PUM1: variants seen among roughly 807,000 people sequenced by gnomAD.
The protein encoded by PUM1 is pumilio RNA binding family member 1.
PUM1 carries 13 observed loss-of-function variants against 131.8 expected under a neutral mutation model. The observed-to-expected ratio is 0.10, with a 90% CI of 0.06 to 0.16. The LOEUF is 0.16. Among genes scored for constraint, PUM1 ranks in the 10% least tolerant of loss-of-function variants. PUM1 has a pLI of 1.00. For synonymous variants in PUM1, 509 were observed against 556.5 expected (o/e 0.91, Z 1.20); for missense variants, 961 against 1,512.4 (o/e 0.64, Z 6.05).
At chr1:31,029,537 A>G (rs1230621573) in intron 2 of PUM1, among the ~76,000 whole-genome samples, 1 of 152,204 alleles carries the variant, frequency 6.6e-6, no homozygotes, top group African/African-American at 2.4e-5. Flanking sequence ...CCATTCCTAC[A>G]AGGTAATAAC....
At chr1:31,051,385 A>C (rs1314021516) in intron 2 of PUM1, among the ~76,000 whole-genome samples, 1 of 151,562 alleles carries the variant, frequency 6.6e-6, no homozygotes, top group Admixed American at 6.6e-5. Context: ...CTCACCGCAA[A>C]CTCTGCCTCC....
rs1403722655 is a variant in PUM1 at position 30,981,370 on chromosome 1, C to A, written c.1194G>T (p.Gln398His). ...ACTGCTGCTGCTGAGCAGCTGTCAA[C>A]TGCTGGACAGCAAGCGCATTAGGTC... ...FQRPNALAVQ[Q>H]LTAAQQQQYA... The change falls in exon 8 of 22, where the codon CAG becomes CAT. Residue 398 changes from glutamine to histidine, a missense_variant. Physicochemically the swap from Gln to His is conservative, Grantham distance 24. Coordinates refer to ENST00000426105, the MANE Select transcript of PUM1 (RefSeq NM_001020658.2). 1 of 1,605,388 alleles carries A rather than the reference C, an allele frequency of 6.2e-7. No individual in the cohort carries two copies. The highest frequency in any genetic ancestry group is 8.5e-7 in the Non-Finnish European group (1 of 1,175,170).
chr1:30,976,398 T>A (rs1000769719), intron 9 of PUM1, among the ~76,000 whole-genome samples: 1 of 152,222 alleles, frequency 6.6e-6, no homozygotes, highest in Non-Finnish European at 1.5e-5. Context: ...CCAACTTGAT[T>A]CATTAACAGT....
intron 2 of PUM1, among the ~76,000 whole-genome samples, chr1:31,045,357 C>A (rs890278463): frequency 6.6e-6 from 1 of 151,948 alleles, no homozygotes; most frequent in African/African-American, 2.4e-5. Context: ...AGGCAGGTCG[C>A]GAACTCCTGG....
chr1:31,003,450 C>T (rs181081471), intron 5 of PUM1, among the ~76,000 whole-genome samples: 2 of 152,226 alleles, frequency 1.3e-5, no homozygotes, highest in African/African-American at 4.8e-5. Flanking sequence ...GAGGATACAA[C>T]CACAAAGCTG....
chr1:31,052,792 T>C (rs1278471202), intron 2 of PUM1, among the ~76,000 whole-genome samples: 6 of 150,376 alleles, frequency 4.0e-5, no homozygotes, highest in Admixed American at 2.0e-4. Flanking sequence ...TCTGCCCTGC[T>C]TCCCGGGTTA....
chr1:30,962,184 T>G (rs927742392), intron 14 of PUM1, among the ~76,000 whole-genome samples: 1 of 152,146 alleles, frequency 6.6e-6, no homozygotes, highest in Non-Finnish European at 1.5e-5. Context: ...ACAAGGTGAA[T>G]GTTTCCAAAG....
chr1:30,995,866 T>C (rs1641963902), intron 5 of PUM1, among the ~76,000 whole-genome samples: 1 of 152,208 alleles, frequency 6.6e-6, no homozygotes, highest in African/African-American at 2.4e-5. Context: ...AATTTTTTAA[T>C]GCCTCAAAAC....
intron 7 of PUM1, among the ~76,000 whole-genome samples, chr1:30,986,837 G>C (rs574244719): frequency 6.6e-6 from 1 of 152,158 alleles, no homozygotes; most frequent in Non-Finnish European, 1.5e-5. Flanking sequence ...AGAGAAAGTT[G>C]AGCATATTAA....
intron 14 of PUM1, among the ~76,000 whole-genome samples, chr1:30,960,079 C>G (rs904993042): frequency 2.0e-5 from 3 of 152,098 alleles, no homozygotes; most frequent in Non-Finnish European, 4.4e-5. Flanking sequence ...TTACCTCCAC[C>G]CCCTGCCAAG....
intron 9 of PUM1, among the ~76,000 whole-genome samples, chr1:30,978,869 G>A (rs761390332): frequency 2.0e-5 from 3 of 152,114 alleles, no homozygotes; most frequent in Non-Finnish European, 2.9e-5. Context: ...GAGGCCAAGG[G>A]AGGAGGACTG....
chr1:30,971,939 C>T (rs1640885988), intron 10 of PUM1, among the ~76,000 whole-genome samples: 1 of 152,122 alleles, frequency 6.6e-6, no homozygotes, highest in African/African-American at 2.4e-5. Flanking sequence ...TAAATACAGA[C>T]TTATCCACAA....
intron 7 of PUM1, chr1:30,981,979 T>C (rs1051204075): frequency 3.3e-4 from 50 of 152,342 alleles, no homozygotes; most frequent in African/African-American, 1.1e-3. Flanking sequence ...TGCCTCTTCC[T>C]GGGAAAATGG....
At chr1:30,965,830 A>G (rs935866891) in intron 13 of PUM1, 152 bp downstream of exon 13, 56 of 742,170 alleles carry the variant, frequency 7.5e-5, no homozygotes, top group Non-Finnish European at 1.1e-4. Flanking sequence ...CTTGATTTCA[A>G]TAGTCTATCA....
rs545491154 is a variant in PUM1, at chr1:30,970,043, A to G, written c.1507-1551T>C. ...TTATTCTGAATGATGTGAAGAATCTATCTCACAAGATCTACACACTCCAGC... is the reference window on the plus strand; with the variant it reads ...TTATTCTGAATGATGTGAAGAATCTGTCTCACAAGATCTACACACTCCAGC... On this transcript the variant is annotated intron_variant, in intron 10 of 21. Transcript: ENST00000426105. Among the ~76,000 whole-genome samples, 6 of 130,244 alleles carry G rather than the reference A, an allele frequency of 4.6e-5. No individual in the cohort carries two copies. The East Asian group carries it at 1.1e-3, about 25-fold the overall frequency. 85.4% of individuals were successfully genotyped at this position (130,244 alleles called of 152,430 possible).
At chr1:30,942,273 G>T (rs572473189) in intron 18 of PUM1, 150 bp from the exon 19 acceptor site, 1 of 169,300 alleles carries the variant, frequency 5.9e-6, no homozygotes, top group Non-Finnish European at 1.0e-5. Flanking sequence ...GAACTTAATG[G>T]CATTTAAGTT....
Position 31,002,204 on chromosome 1 carries a change from G to A in PUM1, c.720+3649C>T, listed in dbSNP as rs372214821. Among the ~76,000 whole-genome samples the A allele has an allele frequency of 3.0e-4, 45 of 152,266 alleles. No homozygotes were observed. In the South Asian group the frequency reaches 6.0e-3, roughly 20 times the overall value. ...AAGTTTTCAAACAAAACCTATGAAAGTTAAGTAGCACTGGTTACCTAAAGT... is the reference window on the plus strand; with the variant it reads ...AAGTTTTCAAACAAAACCTATGAAAATTAAGTAGCACTGGTTACCTAAAGT... On this transcript the variant is annotated intron_variant, in intron 5 of 21. Transcript: ENST00000426105.
intron 5 of PUM1, among the ~76,000 whole-genome samples, chr1:31,000,482 G>A (rs1570244389): frequency 1.3e-5 from 2 of 152,300 alleles, no homozygotes; most frequent in East Asian, 1.9e-4. Context: ...AAAAGCAGAC[G>A]TAGGTAGAAC....
chr1:30,967,452 T>C (rs1640668390), intron 11 of PUM1, 142 bp from the exon 12 acceptor site: 7 of 701,746 alleles, frequency 1.0e-5, no homozygotes, highest in South Asian at 2.1e-5. Context: ...ACTTAAATAG[T>C]TGAATAAACA....
Sources: allele counts gnomAD v4.1 joint callset (sites outside exome capture counted in the v4.1 genomes callset), GRCh38; gene constraint gnomAD v4.1.1; transcripts MANE v1.5; gene names NCBI Gene and HGNC (gene_info 2026-07-23, HGNC 2026-07-21).